TRPM3: variants seen among roughly 807,000 people sequenced by gnomAD.
The protein encoded by TRPM3 is transient receptor potential cation channel subfamily M member 3.
Under a neutral mutation model 181.2 loss-of-function variants are expected in TRPM3, and 77 were observed. The ratio of observed to expected loss-of-function variants is 0.42; its 90% confidence interval spans 0.35 to 0.51. The LOEUF is 0.51. Ranked by LOEUF, TRPM3 falls within the 20% of genes least tolerant of loss-of-function variation. The pLI, the probability that TRPM3 is intolerant of heterozygous loss-of-function variation, is 0.01. For missense variants in TRPM3, 1,759 were observed against 2,196.7 expected, an observed-to-expected ratio of 0.80 and a Z score of 3.98; for synonymous variants, 745 against 796.4, an observed-to-expected ratio of 0.94 and a Z score of 1.09.
Position 71,438,267 on chromosome 9 carries a change from T to TAATTCA in TRPM3, c.183+8380_183+8385dup, listed in dbSNP as rs531441969. On this transcript the variant is annotated intron_variant, in intron 1 of 24. Coordinates refer to the TRPM3 transcript ENST00000357533. Reference sequence around the variant, plus strand: ...TAATGTGTCCACTACAGTTGGATTCTAATTCAAACAGAATTATGAGATAAT... The same window carrying TAATTCA: ...TAATGTGTCCACTACAGTTGGATTCTAATTCAAATTCAAACAGAATTATGAGATAAT... Among the ~76,000 whole-genome samples the TAATTCA allele has an allele frequency of 2.0e-4, 30 of 152,378 alleles. No homozygotes were observed. The East Asian group carries it at 5.8e-3, about 29-fold the overall frequency.
At chr9:71,117,753 G>T (rs1320334869) in intron 1 of TRPM3, among the ~76,000 whole-genome samples, 1 of 152,092 alleles carries the variant, frequency 6.6e-6, no homozygotes, top group East Asian at 1.9e-4. Flanking sequence ...ATAAAAATTT[G>T]AAAGTCTTAA....
intron 1 of TRPM3, among the ~76,000 whole-genome samples, chr9:71,306,296 G>T (rs553635536): frequency 3.9e-5 from 6 of 152,158 alleles, no homozygotes; most frequent in Admixed American, 2.6e-4. Context: ...TGAGAGCCAC[G>T]CAGCAAATGA....
intron 1 of TRPM3, among the ~76,000 whole-genome samples, chr9:71,444,930 C>G (rs1222859433): frequency 2.0e-5 from 3 of 152,210 alleles, no homozygotes; most frequent in African/African-American, 7.2e-5. Context: ...AGAATAAGCA[C>G]AGGCTTTTGC....
intron 1 of TRPM3, among the ~76,000 whole-genome samples, chr9:71,115,821 T>C (rs993777727): frequency 3.3e-5 from 5 of 151,932 alleles, no homozygotes; most frequent in African/African-American, 9.7e-5. Flanking sequence ...GACAGGAGGG[T>C]TTCTTGTTGC....
intron 22 of TRPM3, among the ~76,000 whole-genome samples, chr9:70,559,595 C>T (rs559476633): frequency 6.6e-6 from 1 of 152,252 alleles, no homozygotes; most frequent in African/African-American, 2.4e-5. Flanking sequence ...TGTTTTTTCC[C>T]TCTGAGCCAA....
chr9:70,742,593 A>G (rs545581964), intron 8 of TRPM3, among the ~76,000 whole-genome samples: 207 of 152,258 alleles, frequency 1.4e-3, no homozygotes, highest in Non-Finnish European at 2.5e-3. Context: ...AAACATTTTT[A>G]TAATTAGAAA....
At chr9:71,151,130 C>T (rs1293567517) in intron 1 of TRPM3, among the ~76,000 whole-genome samples, 1 of 152,120 alleles carries the variant, frequency 6.6e-6, no homozygotes, top group African/African-American at 2.4e-5. Flanking sequence ...TATGAGAATC[C>T]ATAAAATGAA....
chr9:71,108,173 T>C (rs939019174), intron 1 of TRPM3, among the ~76,000 whole-genome samples: 34 of 152,230 alleles, frequency 2.2e-4, no homozygotes, highest in African/African-American at 7.0e-4. Flanking sequence ...CTTTATAGTA[T>C]ACCTAAAATC....
At chr9:70,545,419 A>T (rs538474170) in intron 25 of TRPM3, among the ~76,000 whole-genome samples, 84 of 152,334 alleles carry the variant, frequency 5.5e-4, no homozygotes, top group African/African-American at 2.0e-3. Flanking sequence ...ATCTGCTGGA[A>T]AGCAGGATAA....
intron 1 of TRPM3, among the ~76,000 whole-genome samples, chr9:71,357,792 T>C (rs115182089): frequency 6.6e-6 from 1 of 152,270 alleles, no homozygotes; most frequent in African/African-American, 2.4e-5. Context: ...TCCTCTTCTT[T>C]ATACAGAGAG....
At chr9:70,610,558 G>A (rs758350412) in intron 19 of TRPM3, 51 bp downstream of exon 19, 46 of 1,590,462 alleles carry the variant, frequency 2.9e-5, no homozygotes, top group South Asian at 6.8e-5. Context: ...AGAAATGGAC[G>A]TTGGCTCCTT....
chr9:70,574,108 ACACT>A (rs1287088965), intron 22 of TRPM3, among the ~76,000 whole-genome samples: 1 of 151,954 alleles, frequency 6.6e-6, no homozygotes, highest in African/African-American at 2.4e-5. Context: ...ACACACACAC[ACACT>A]ACTAACACCA....
intron 1 of TRPM3, among the ~76,000 whole-genome samples, chr9:70,962,746 G>GTC (rs567647979): frequency 2.7e-4 from 41 of 151,472 alleles, no homozygotes; most frequent in African/African-American, 4.4e-4. Flanking sequence ...TATGAATGTG[G>GTC]TCTCTCTCTC....
rs916205489 is a variant in TRPM3 at position 71,386,145 on chromosome 9, C to A, written c.183+60508G>T. Among the ~76,000 whole-genome samples, 3 of 152,144 alleles carry A rather than the reference C, an allele frequency of 2.0e-5. No individual in the cohort carries two copies. The East Asian group carries it at 5.8e-4, about 30-fold the overall frequency. On this transcript the variant is annotated intron_variant, in intron 1 of 24. Coordinates refer to the TRPM3 transcript ENST00000357533. The stretch of plus-strand genomic sequence containing the variant: ...CAGAAAGAGGCAGAAAAGTGGTGGG[C>A]TGTTCCTTAAAACAGTGAATACAAG...
chr9:71,312,582 A>C (rs963035705), intron 1 of TRPM3, among the ~76,000 whole-genome samples: 2 of 152,166 alleles, frequency 1.3e-5, no homozygotes. Context: ...ACTTACATCC[A>C]CAAGAAACAC....
intron 8 of TRPM3, among the ~76,000 whole-genome samples, chr9:70,753,196 T>G (rs1028488583): frequency 1.3e-5 from 2 of 152,120 alleles, no homozygotes; most frequent in African/African-American, 4.8e-5. Flanking sequence ...CATTGTTAAG[T>G]AATGCCTGAC....
intron 1 of TRPM3, among the ~76,000 whole-genome samples, chr9:71,314,662 T>C (rs2088369994): frequency 6.6e-6 from 1 of 152,066 alleles, no homozygotes; most frequent in Non-Finnish European, 1.5e-5. Context: ...GAATCATCAT[T>C]TAGCAGTGAG....
chr9:70,921,918 TACACACACACACACACACAAACAA>T (rs1272118273), intron 1 of TRPM3, among the ~76,000 whole-genome samples: 2 of 140,132 alleles, frequency 1.4e-5, no homozygotes, highest in African/African-American at 5.5e-5. Context: ...GCAGCCACTA[TACACACACACACACACACAAACAA>T]ACACACACAC....
chr9:70,791,814 T>G (rs1339102047), intron 6 of TRPM3, among the ~76,000 whole-genome samples: 2 of 150,726 alleles, frequency 1.3e-5, no homozygotes, highest in African/African-American at 4.8e-5. Flanking sequence ...TATGGCAAAC[T>G]GTATTTTTTT....
Sources: gnomAD v4.1 joint callset for allele counts (sites outside exome capture counted in the v4.1 genomes callset) on GRCh38, gnomAD v4.1.1 for gene constraint, MANE v1.5 for transcripts, NCBI Gene and HGNC (gene_info 2026-07-23, HGNC 2026-07-21) for gene names.